Variants in PHF2 observed in about 807,000 individuals in gnomAD.
PHF2 encodes PHD finger protein 2.
A neutral mutation model predicts 120.5 loss-of-function variants in PHF2; 27 were observed. The observed-to-expected ratio is 0.22, with a 90% CI of 0.17 to 0.31. The LOEUF (loss-of-function observed/expected upper bound fraction) is 0.31. Among genes scored for constraint, PHF2 ranks in the 10% least tolerant of loss-of-function variants. PHF2 has a pLI of 1.00. For missense variants in PHF2, 1,024 were observed against 1,434.8 expected (o/e 0.71, Z 4.63); for synonymous variants, 568 against 592.5 (o/e 0.96, Z 0.60).
intron 1 of PHF2, among the ~76,000 whole-genome samples, chr9:93,622,803 G>A (rs1301037923): frequency 2.0e-5 from 3 of 152,194 alleles, no homozygotes; most frequent in African/African-American, 7.2e-5. Context: ...CCCCAGAACA[G>A]GCATGTTCCA....
At chr9:93,583,495 T>C (rs1305726209) in intron 1 of PHF2, among the ~76,000 whole-genome samples, 1 of 152,274 alleles carries the variant, frequency 6.6e-6, no homozygotes, top group South Asian at 2.1e-4. Flanking sequence ...CAAACTGTTT[T>C]CCACAGGGGC....
intron 1 of PHF2, among the ~76,000 whole-genome samples, chr9:93,610,416 A>G (rs986386724): frequency 6.6e-6 from 1 of 151,912 alleles, no homozygotes; most frequent in Non-Finnish European, 1.5e-5. Context: ...CTTCAGTTCT[A>G]TTACAGTGTT....
At chr9:93,669,136 C>T (rs1238680534) in intron 17 of PHF2, among the ~76,000 whole-genome samples, 1 of 152,204 alleles carries the variant, frequency 6.6e-6, no homozygotes, top group African/African-American at 2.4e-5. Flanking sequence ...CAGTCCTCAC[C>T]CTCTTGGGTT....
intron 13 of PHF2, 82 bp from the exon 14 acceptor site, chr9:93,663,434 GC>G: frequency 1.2e-6 from 1 of 843,214 alleles, no homozygotes; most frequent in Non-Finnish European, 1.9e-6. Context: ...CCCAGTAGCT[GC>G]CTCTTCTCAC....
chr9:93,672,476 G>A (rs1430057136), intron 17 of PHF2: 1 of 984,412 alleles, frequency 1.0e-6, no homozygotes, highest in South Asian at 4.7e-5. Context: ...AGGTGTGAGT[G>A]TGGGAGTAGG....
chr9:93,640,125 G>GTT (rs34033348), intron 3 of PHF2, among the ~76,000 whole-genome samples: 8 of 151,738 alleles, frequency 5.3e-5, no homozygotes, highest in Non-Finnish European at 7.4e-5. Context: ...TTGGTCTTTG[G>GTT]TTTTTTTTGC....
At chr9:93,633,656 G>A (rs1826043937) in intron 2 of PHF2, among the ~76,000 whole-genome samples, 3 of 152,206 alleles carry the variant, frequency 2.0e-5, no homozygotes, top group South Asian at 4.1e-4. Context: ...ACGGCCCCAC[G>A]TCTCTGGCCT....
intron 17 of PHF2, among the ~76,000 whole-genome samples, chr9:93,667,623 G>C (rs1826707350): frequency 6.6e-6 from 1 of 152,190 alleles, no homozygotes; most frequent in South Asian, 2.1e-4. Context: ...GGGGGCTGCA[G>C]CTGCCATGGG....
intron 1 of PHF2, among the ~76,000 whole-genome samples, chr9:93,577,090 C>T (rs1862835201): frequency 6.8e-6 from 1 of 147,524 alleles, no homozygotes; most frequent in East Asian, 2.0e-4. Flanking sequence ...CCGCGCTGGG[C>T]GCCCCTGGCC....
chr9:93,648,287 TATAAACTC>T (rs1826296955), intron 4 of PHF2, among the ~76,000 whole-genome samples: 1 of 152,232 alleles, frequency 6.6e-6, no homozygotes, highest in African/African-American at 2.4e-5. Flanking sequence ...GGGTGTTTCC[TATAAACTC>T]GTGGTTAGAG....
intron 1 of PHF2, among the ~76,000 whole-genome samples, chr9:93,598,679 G>A (rs1452908336): frequency 6.6e-6 from 1 of 152,162 alleles, no homozygotes; most frequent in Non-Finnish European, 1.5e-5. Context: ...GGGCATCCAC[G>A]GGGCCTGGGG....
At chr9:93,658,269 G>T (rs777193507) in intron 10 of PHF2, 33 bp downstream of exon 10, 1 of 1,550,008 alleles carries the variant, frequency 6.5e-7, no homozygotes, top group Admixed American at 1.7e-5. Flanking sequence ...CCTAGGGCAG[G>T]AGAGCAGTGA....
chr9:93,600,313 A>G (rs1825416889), intron 1 of PHF2, among the ~76,000 whole-genome samples: 1 of 152,030 alleles, frequency 6.6e-6, no homozygotes, highest in Non-Finnish European at 1.5e-5. Flanking sequence ...TAGGCACCTC[A>G]CATTTCTTCC....
In PHF2 at chr9:93,615,040, GTGA is replaced by G. The variant is rs374590751; in HGVS notation, c.99-14921_99-14919del. Among the ~76,000 whole-genome samples the G allele has an allele frequency of 7.0e-3, 1,062 of 151,624 alleles. 14 individuals are homozygous for G. The highest frequency in any genetic ancestry group is 0.024 in the African/African-American group (1,000 of 41,298). On this transcript the variant is annotated intron_variant, in intron 1 of 21. Coordinates refer to ENST00000359246, the MANE Select transcript of PHF2 (RefSeq NM_005392.4). ...GATGGTGATGGTGATGATGGTGATAGTGATGATGATGGCGATGATGGTGACAGT... is the reference window on the plus strand; with the variant it reads ...GATGGTGATGGTGATGATGGTGATAGTGATGATGGCGATGATGGTGACAGT...
Position 93,672,639 on chromosome 9 carries a change from C to T in PHF2, c.2349-946C>T, listed in dbSNP as rs191592111. ...GTAGGCACAGGTGTAGATGCAGGTGCGGGGGTGGAGGTAGGTACAGGTGTA... is the reference window on the plus strand; with the variant it reads ...GTAGGCACAGGTGTAGATGCAGGTGTGGGGGTGGAGGTAGGTACAGGTGTA... On this transcript the variant is annotated intron_variant, in intron 17 of 21. Transcript: ENST00000359246. 2.0e-4 allele frequency: 190 copies of T among 954,094 alleles called. No homozygotes were observed. In the African/African-American group the frequency reaches 3.5e-3, roughly 17 times the overall value. 59.1% of individuals were successfully genotyped at this position (954,094 alleles called of 1,614,324 possible).
intron 1 of PHF2, among the ~76,000 whole-genome samples, chr9:93,600,859 G>C (rs1026687779): frequency 6.6e-6 from 1 of 152,236 alleles, no homozygotes; most frequent in Non-Finnish European, 1.5e-5. Context: ...GACTGGACCA[G>C]ATCTGGTGTG....
At chr9:93,627,198 C>T (rs1455818952) in intron 1 of PHF2, among the ~76,000 whole-genome samples, 2 of 152,142 alleles carry the variant, frequency 1.3e-5, no homozygotes, top group East Asian at 3.8e-4. Flanking sequence ...ACAAGTCTTG[C>T]ATCTCCTAGG....
intron 17 of PHF2, among the ~76,000 whole-genome samples, chr9:93,669,815 C>T (rs1826749250): frequency 6.6e-6 from 1 of 152,220 alleles, no homozygotes; most frequent in African/African-American, 2.4e-5. Flanking sequence ...GAGCCTCAGT[C>T]TTGGGAGCCC....
At chr9:93,579,388 C>T (rs1564369600) in intron 1 of PHF2, among the ~76,000 whole-genome samples, 2 of 152,166 alleles carry the variant, frequency 1.3e-5, no homozygotes, top group Non-Finnish European at 2.9e-5. Context: ...CTGTATCCTT[C>T]TCTCCCTTTC....
Sources: allele counts gnomAD v4.1 joint callset (sites outside exome capture counted in the v4.1 genomes callset), GRCh38; gene constraint gnomAD v4.1.1; transcripts MANE v1.5; gene names NCBI Gene and HGNC (gene_info 2026-07-23, HGNC 2026-07-21).